Variants in LMO7 observed in about 807,000 individuals in gnomAD.
The protein encoded by LMO7 is LIM domain 7.
Under a neutral mutation model 206.5 loss-of-function variants are expected in LMO7, and 120 were observed. The ratio of observed to expected loss-of-function variants is 0.58; its 90% CI spans 0.50 to 0.68. LMO7 has a LOEUF of 0.68. Ranked by LOEUF, LMO7 falls within the 30% of genes least tolerant of loss-of-function variation. LMO7 has a pLI of 0.00. For missense variants in LMO7, 1,959 were observed against 1,957.9 expected (o/e 1.00, Z -0.01); for synonymous variants, 706 against 681.5 (o/e 1.04, Z -0.56).
chr13:75,806,280 G>A lies in LMO7; in HGVS notation c.1196+520G>A, dbSNP rs545743567. The A allele has an allele frequency of 4.4e-5, 43 of 986,328 alleles. 2 individuals carry two copies. In the South Asian group the frequency reaches 1.8e-3, roughly 42 times the overall value. The allele number at this position is 986,328 out of a possible 1,614,324, so 61.1% of individuals were successfully genotyped here. A position where few individuals can be genotyped will look rare whatever the true frequency, so the allele number is the denominator to read the frequency against. On this transcript the variant is annotated intron_variant, in intron 9 of 30. Coordinates refer to ENST00000377534, the MANE Select transcript of LMO7 (RefSeq NM_001306080.2). ...AGCCCAGGTGCCCCTGTCTGCATGA[G>A]CCTGCCTGCTGCGGGTCTGGCCTCA...
chr13:75,810,939 G>A (rs1456319338), intron 11 of LMO7, among the ~76,000 whole-genome samples: 8 of 152,162 alleles, frequency 5.3e-5, no homozygotes, highest in Non-Finnish European at 7.3e-5. Context: ...TAGTTGTTTC[G>A]GATAGTACAA....
At chr13:75,755,703 G>A (rs1020923739) in intron 3 of LMO7, among the ~76,000 whole-genome samples, 12 of 152,080 alleles carry the variant, frequency 7.9e-5, no homozygotes, top group African/African-American at 2.7e-4. Flanking sequence ...ATTTTTGACT[G>A]GTCTGTATTC....
intron 10 of LMO7, among the ~76,000 whole-genome samples, 167 bp downstream of exon 10, chr13:75,808,366 C>T (rs1280760142): frequency 1.3e-5 from 2 of 152,174 alleles, no homozygotes; most frequent in African/African-American, 4.8e-5. Context: ...TCGTTTTGTA[C>T]AAAAAGTGCA....
In LMO7 at chr13:75,768,793, C is replaced by A. The variant is rs182267169; in HGVS notation, c.317+7755C>A. 4.9e-3 allele frequency among the ~76,000 whole-genome samples: 746 copies of A among 152,092 alleles called. 6 individuals are homozygous for A. Among genetic ancestry groups the A allele is most frequent in the African/African-American group, 0.016 (660 of 41,506 alleles). On this transcript the variant is annotated intron_variant, in intron 4 of 30. Transcript: ENST00000377534. ...TCTTTTTGGAATAGGTGTTCAAAAT[C>A]TTGTCTTTACTGAATTCAAATGTAC...
At chr13:75,733,332 G>C (rs188282915) in intron 3 of LMO7, among the ~76,000 whole-genome samples, 91 of 152,322 alleles carry the variant, frequency 6.0e-4, no homozygotes, top group African/African-American at 2.2e-3. Context: ...GGGCAATGGC[G>C]GGCGCCCCTC....
At chr13:75,622,419 C>T (rs1222486310) in intron 1 of LMO7, 1 of 152,206 alleles carries the variant, frequency 6.6e-6, no homozygotes, top group Non-Finnish European at 1.5e-5. Flanking sequence ...TACTCAAAGC[C>T]ACTTTAGGTT....
At chr13:75,752,123 T>C (rs1453009162) in intron 3 of LMO7, among the ~76,000 whole-genome samples, 1 of 151,920 alleles carries the variant, frequency 6.6e-6, no homozygotes, top group Non-Finnish European at 1.5e-5. Context: ...TTAAAGAACA[T>C]TTTATTTTAT....
rs144521565 is a variant in LMO7 at position 75,855,290 on chromosome 13, C to T, written c.4692C>T (p.Tyr1564=). 311 of 1,613,770 alleles carry T rather than the reference C, an allele frequency of 1.9e-4. No individual in the cohort carries two copies. The African/African-American group carries it at 2.8e-3, about 15-fold the overall frequency. ...RSVSGKRICS[Y]CNNILGKGAA... ...TCAGTGGGAAGCGCATATGCTCCTA[C>T]TGCAATAACATTCTGGGCAAAGGAG... The change falls in exon 29 of 31, where the codon TAC becomes TAT. Residue 1564 remains tyrosine (Y), a synonymous_variant. Coordinates refer to ENST00000377534, the MANE Select transcript of LMO7 (RefSeq NM_001306080.2).
At chr13:75,812,731 T>A (rs9593129) in intron 11 of LMO7, among the ~76,000 whole-genome samples, 41,228 of 151,264 alleles carry the variant, frequency 0.27, 6,727 homozygotes, top group South Asian at 0.38. Context: ...ATGTTATTTT[T>A]AAAAAATTCT....
intron 11 of LMO7, among the ~76,000 whole-genome samples, chr13:75,810,752 A>G (rs1388484934): frequency 6.6e-6 from 1 of 152,240 alleles, no homozygotes; most frequent in Admixed American, 6.5e-5. Context: ...GAGTACAAGT[A>G]TGTGGTGGAA....
chr13:75,648,506 C>T (rs1021821943), intron 1 of LMO7, among the ~76,000 whole-genome samples: 1 of 152,188 alleles, frequency 6.6e-6, no homozygotes, highest in African/African-American at 2.4e-5. Context: ...ATAGCCCTGC[C>T]TGTTGTTTGG....
upstream of LMO7, among the ~76,000 whole-genome samples, chr13:75,634,622 A>C (rs2035498448): frequency 6.6e-6 from 1 of 152,226 alleles, no homozygotes; most frequent in African/African-American, 2.4e-5. Context: ...GGGCGCCTGT[A>C]GTCCCAGCTA....
intron 27 of LMO7, among the ~76,000 whole-genome samples, chr13:75,850,390 A>C (rs1267601205): frequency 1.3e-5 from 2 of 152,146 alleles, no homozygotes; most frequent in Non-Finnish European, 2.9e-5. Context: ...AGTTTCTAGC[A>C]CTCTATCTTC....
intron 1 of LMO7, among the ~76,000 whole-genome samples, chr13:75,638,081 G>A (rs2036150189): frequency 6.6e-6 from 1 of 152,212 alleles, no homozygotes; most frequent in South Asian, 2.1e-4. Context: ...TCCATTAGCA[G>A]TGTGTGTTCT....
rs1566372273 is a variant in LMO7, at chr13:75,737,787, A to AC, written c.210+10689_210+10690insC. The stretch of plus-strand genomic sequence containing the variant: ...AAAAATAAAATAAAATAAAATAAAA[A>AC]AAAAAAAAAAAAAACTTTTTACTTT... On this transcript the variant is annotated intron_variant, in intron 3 of 30. Transcript: ENST00000377534. 1.2e-3 allele frequency among the ~76,000 whole-genome samples: 133 copies of AC among 110,828 alleles called. 6 individuals carry two copies. The South Asian group carries it at 0.013, about 11-fold the overall frequency. 72.7% of individuals were successfully genotyped at this position (110,828 alleles called of 152,430 possible).
intron 28 of LMO7, among the ~76,000 whole-genome samples, chr13:75,853,697 T>A (rs1036631339): frequency 1.3e-5 from 2 of 152,204 alleles, no homozygotes; most frequent in Non-Finnish European, 2.9e-5. Context: ...TACTTCTCAG[T>A]GTGGAATCAT....
chr13:75,626,868 G>A (rs1290236420), intron 2 of LMO7: 2 of 151,878 alleles, frequency 1.3e-5, no homozygotes, highest in East Asian at 3.9e-4. Context: ...TTACAGGCAT[G>A]AGCCACCGCA....
chr13:75,657,912 T>G (rs2038208042), intron 1 of LMO7, among the ~76,000 whole-genome samples: 1 of 152,242 alleles, frequency 6.6e-6, no homozygotes, highest in African/African-American at 2.4e-5. Context: ...GTTAAGAATT[T>G]TGTGGATCCT....
intron 4 of LMO7, among the ~76,000 whole-genome samples, chr13:75,784,862 A>G (rs1340318975): frequency 6.6e-6 from 1 of 152,100 alleles, no homozygotes; most frequent in Non-Finnish European, 1.5e-5. Context: ...CAGTTGATAG[A>G]TATTTGTTTT....
Sources: allele counts gnomAD v4.1 joint callset (sites outside exome capture counted in the v4.1 genomes callset), GRCh38; gene constraint gnomAD v4.1.1; transcripts MANE v1.5; gene names NCBI Gene and HGNC (gene_info 2026-07-23, HGNC 2026-07-21).